Variants in TEX2 observed in about 807,000 individuals in gnomAD.
TEX2 encodes the protein testis expressed 2.
Under a neutral mutation model 106.9 loss-of-function variants are expected in TEX2, and 53 were observed. That is an observed-to-expected ratio of 0.50 (90% CI 0.40 to 0.62). TEX2 has a LOEUF of 0.62. Among genes scored for constraint, TEX2 ranks in the 20% least tolerant of loss-of-function variants. TEX2 has a pLI of 0.00. For missense variants in TEX2, 1,207 were observed against 1,379.0 expected (o/e 0.88, Z 1.98); for synonymous variants, 523 against 534.8 (o/e 0.98, Z 0.30).
At chr17:64,152,735 G>A (rs1000741308) in intron 10 of TEX2, among the ~76,000 whole-genome samples, 1 of 152,196 alleles carries the variant, frequency 6.6e-6, no homozygotes, top group Non-Finnish European at 1.5e-5. Flanking sequence ...TTCCTACCAT[G>A]TGAACATGAA....
chr17:64,218,990 C>A (rs372494051), intron 1 of TEX2, among the ~76,000 whole-genome samples: 12 of 152,156 alleles, frequency 7.9e-5, no homozygotes, highest in African/African-American at 2.9e-4. Flanking sequence ...ATTCTCTCCC[C>A]ACGAAAGCAA....
chr17:64,214,146 G>A lies in TEX2; in HGVS notation c.72C>T (p.His24=), dbSNP rs782040265. The A allele has an allele frequency of 1.2e-5, 20 of 1,614,028 alleles. No individual in the cohort carries two copies. Among genetic ancestry groups the A allele is most frequent in the Middle Eastern group, 1.6e-4 (1 of 6,084 alleles). ...TATCTCGGGACACGGACCTCTGCAC[G>A]TGCACTTTAGGGGCTGATGGTTTTG... ...DMPKPSAPKV[H]VQRSVSRDTI... Residue 24 remains histidine (H), a synonymous_variant, in exon 2 of 12, where the codon CAC becomes CAT. Transcript: ENST00000584379.
At chr17:64,170,337 C>A (rs2031327163) in intron 7 of TEX2, among the ~76,000 whole-genome samples, 1 of 152,154 alleles carries the variant, frequency 6.6e-6, no homozygotes, top group South Asian at 2.1e-4. Flanking sequence ...ACATGAAAGT[C>A]AAAAAATCTG....
chr17:64,206,627 G>C lies in TEX2; in HGVS notation c.1644+5947C>G, dbSNP rs555173908. The stretch of plus-strand genomic sequence containing the variant: ...CCAGGCAATAAGAGTACAGTGGTGC[G>C]ATCTCAGCTCACTGCAACCTCCACC... On this transcript the variant is annotated intron_variant, in intron 2 of 11. Transcript: ENST00000584379. Among the ~76,000 whole-genome samples, 18 of 139,990 alleles carry C rather than the reference G, an allele frequency of 1.3e-4. 1 individual carries two copies. The South Asian group carries it at 4.0e-3, about 31-fold the overall frequency. 91.8% of individuals were successfully genotyped at this position (139,990 alleles called of 152,430 possible).
At chr17:64,174,031 G>C (rs373394470) in intron 6 of TEX2, among the ~76,000 whole-genome samples, 2 of 151,274 alleles carry the variant, frequency 1.3e-5, no homozygotes, top group African/African-American at 2.4e-5. Context: ...TTTTTTTGTA[G>C]AGACAGGGTC....
chr17:64,188,921 G>C (rs1047128714), intron 4 of TEX2, among the ~76,000 whole-genome samples: 2 of 152,082 alleles, frequency 1.3e-5, no homozygotes, highest in South Asian at 2.1e-4. Flanking sequence ...AAGATAATTA[G>C]AGTAATGGAA....
At chr17:64,162,841 C>T (rs1427880310) in intron 7 of TEX2, among the ~76,000 whole-genome samples, 1 of 152,188 alleles carries the variant, frequency 6.6e-6, no homozygotes, top group African/African-American at 2.4e-5. Flanking sequence ...GAGCTGTGTA[C>T]ACCCTGGCAC....
At chr17:64,178,654 A>T (rs1421370653) in intron 5 of TEX2, among the ~76,000 whole-genome samples, 1 of 152,208 alleles carries the variant, frequency 6.6e-6, no homozygotes, top group African/African-American at 2.4e-5. Context: ...AGAAACAATG[A>T]GCTTTGGAAA....
rs1983463 is a variant in TEX2, at chr17:64,205,599, C to G, written c.1644+6975G>C. 0.8 allele frequency among the ~76,000 whole-genome samples: 122,215 copies of G among 152,046 alleles called. 49,343 individuals are homozygous for G. Among genetic ancestry groups the G allele is most frequent in the Middle Eastern group, 0.89 (261 of 294 alleles). ...CTCTAATTTCTTGAAAGAATTTCAA[C>G]AAATTGAGATTAAATTTACAAATTG... On this transcript the variant is annotated intron_variant, in intron 2 of 11. Transcript: ENST00000584379. This position sits in a 1 kb window ranked among gnomAD's most constrained non-coding sequence, Gnocchi z 4.0.
intron 1 of TEX2, among the ~76,000 whole-genome samples, chr17:64,231,764 AGT>A (rs2033663431): frequency 6.6e-6 from 1 of 152,238 alleles, no homozygotes; most frequent in Non-Finnish European, 1.5e-5. Context: ...ACCTCTTATC[AGT>A]GTGTCACCCT....
intron 1 of TEX2, among the ~76,000 whole-genome samples, chr17:64,238,520 T>C (rs1004310241): frequency 6.6e-6 from 1 of 152,238 alleles, no homozygotes; most frequent in South Asian, 2.1e-4. Context: ...GAAAAGAGGT[T>C]TAATTGACTC....
At chr17:64,194,336 G>A (rs2032394656) in intron 3 of TEX2, among the ~76,000 whole-genome samples, 1 of 152,146 alleles carries the variant, frequency 6.6e-6, no homozygotes, top group South Asian at 2.1e-4. Flanking sequence ...ACTATTTTAA[G>A]TACTTCTCTC....
chr17:64,169,362 T>C (rs1006820302), intron 7 of TEX2, among the ~76,000 whole-genome samples: 5 of 152,306 alleles, frequency 3.3e-5, no homozygotes, highest in Non-Finnish European at 5.9e-5. Flanking sequence ...CAATTTTGCA[T>C]GGGGTTAAAA....
chr17:64,241,711 G>A (rs933803107), intron 1 of TEX2, among the ~76,000 whole-genome samples: 6 of 152,038 alleles, frequency 3.9e-5, no homozygotes, highest in Non-Finnish European at 8.8e-5. Flanking sequence ...ATAGCTCACT[G>A]CAGCCTCGAA....
chr17:64,148,239 AC>A lies in TEX2; in HGVS notation c.*729del, dbSNP rs1265042811. 6.6e-6 allele frequency: 1 copy of A among 152,644 alleles called. No individual in the cohort carries two copies. Among genetic ancestry groups the A allele is most frequent in the African/African-American group, 2.4e-5 (1 of 41,442 alleles). The allele number at this position is 152,644 out of a possible 1,614,324, so 9.5% of individuals were successfully genotyped here. ...TGTGCAGTGTTTGATGTTTTCACAT[AC>A]GCTCCTGTCTCAGGAAAACATTCAA... On this transcript the variant is annotated 3_prime_UTR_variant, in exon 12 of 12. Coordinates refer to ENST00000584379, the MANE Select transcript of TEX2 (RefSeq NM_001288732.2).
chr17:64,243,284 A>C lies in TEX2; in HGVS notation c.-26+19884T>G, dbSNP rs575789031. On this transcript the variant is annotated intron_variant, in intron 1 of 11. Transcript: ENST00000584379. ...AAAAAATTAATTTCAGGCCATAAAA[A>C]CCCACAAGGTCAAAGGTTAAACCCA... Among the ~76,000 whole-genome samples the C allele has an allele frequency of 4.6e-5, 7 of 152,280 alleles. No homozygotes were observed. In the South Asian group the frequency reaches 1.5e-3, roughly 32 times the overall value.
chr17:64,191,893 T>C (rs751028400), intron 4 of TEX2, among the ~76,000 whole-genome samples: 10 of 151,946 alleles, frequency 6.6e-5, no homozygotes, highest in Non-Finnish European at 1.5e-4. Context: ...TTGAATATAT[T>C]TTTAACCCAA....
At chr17:64,183,359 C>G (rs1032868121) in intron 5 of TEX2, among the ~76,000 whole-genome samples, 5 of 152,142 alleles carry the variant, frequency 3.3e-5, no homozygotes, top group African/African-American at 1.2e-4. Context: ...GAGGAAATAC[C>G]AAACTATTTC....
intron 8 of TEX2, chr17:64,155,328 G>C: frequency 5.6e-6 from 1 of 179,092 alleles, no homozygotes; most frequent in Non-Finnish European, 1.2e-5. Flanking sequence ...ACGGGAGGAT[G>C]AACAGAAAGA....
Sources: allele counts gnomAD v4.1 joint callset (sites outside exome capture counted in the v4.1 genomes callset), GRCh38; gene constraint gnomAD v4.1.1; non-coding constraint Gnocchi (gnomAD v3.1); transcripts MANE v1.5; gene names NCBI Gene and HGNC (gene_info 2026-07-23, HGNC 2026-07-21).